Variants in CNTFR observed in about 807,000 individuals in gnomAD.
CNTFR encodes ciliary neurotrophic factor receptor subunit alpha.
Under a neutral mutation model 40.4 loss-of-function variants are expected in CNTFR, and 12 were observed. That is an observed-to-expected ratio of 0.30 (90% CI 0.19 to 0.48). The LOEUF (loss-of-function observed/expected upper bound fraction) is 0.48. CNTFR is among the 20% of genes least tolerant of loss of function. CNTFR has a pLI of 0.99. For synonymous variants in CNTFR, 202 were observed against 209.6 expected, an observed-to-expected ratio of 0.96 and a Z score of 0.31; for missense variants, 414 against 506.8, an observed-to-expected ratio of 0.82 and a Z score of 1.76.
chr9:34,579,554 G>A (rs955648093), intron 2 of CNTFR, among the ~76,000 whole-genome samples: 4 of 151,986 alleles, frequency 2.6e-5, no homozygotes, highest in Non-Finnish European at 5.9e-5. Context: ...CACTGAGGGC[G>A]AGGCTCCCAC....
chr9:34,561,095 C>T (rs914245801), intron 4 of CNTFR, among the ~76,000 whole-genome samples: 3 of 152,162 alleles, frequency 2.0e-5, no homozygotes, highest in Admixed American at 2.0e-4. Flanking sequence ...CGCCTCCTGC[C>T]TGGCACTCAA....
chr9:34,576,632 C>G (rs1438297277), intron 2 of CNTFR, among the ~76,000 whole-genome samples: 1 of 152,244 alleles, frequency 6.6e-6, no homozygotes, highest in Non-Finnish European at 1.5e-5. Flanking sequence ...TCCTTCTTCC[C>G]CAAACCCTGC....
intron 2 of CNTFR, among the ~76,000 whole-genome samples, chr9:34,570,677 G>A (rs917434819): frequency 7.2e-5 from 11 of 152,144 alleles, no homozygotes; most frequent in African/African-American, 1.4e-4. Flanking sequence ...CAGAGACACC[G>A]TTATAAAGAC....
chr9:34,572,273 A>G (rs1826699694), intron 2 of CNTFR, among the ~76,000 whole-genome samples: 2 of 152,088 alleles, frequency 1.3e-5, no homozygotes, highest in Admixed American at 1.3e-4. Flanking sequence ...GGGAGGCTGA[A>G]GCCAGAGGCA....
Position 34,557,434 on chromosome 9 carries a change from T to C in CNTFR, c.604+92A>G. ...GAGGCATGTACATGCCATGTATACATGTGCATGCATGTGGACATCCCCACC... is the reference window on the plus strand; with the variant it reads ...GAGGCATGTACATGCCATGTATACACGTGCATGCATGTGGACATCCCCACC... On this transcript the variant is annotated intron_variant, in intron 6 of 9. Transcript: ENST00000378980. The surrounding 1 kb of genome is among the most constrained non-coding windows in gnomAD (Gnocchi z 4.2). The C allele has an allele frequency of 2.9e-6, 4 of 1,396,874 alleles. No individual in the cohort carries two copies. Among genetic ancestry groups the C allele is most frequent in the African/African-American group, 1.4e-5 (1 of 70,796 alleles). 86.5% of individuals were successfully genotyped at this position (1,396,874 alleles called of 1,614,324 possible).
rs1262155933 is a variant in CNTFR at position 34,564,852 on chromosome 9, A to C, written c.86-20T>G. ...GTGCCTCTGTGGGGGGTGGGGGCACAGGGCAAAAGTCACAGGTCACAGCCC... is the reference window on the plus strand; with the variant it reads ...GTGCCTCTGTGGGGGGTGGGGGCACCGGGCAAAAGTCACAGGTCACAGCCC... On this transcript the variant is annotated intron_variant, in intron 3 of 9. Transcript: ENST00000378980. 1 of 1,607,294 alleles carries C rather than the reference A, an allele frequency of 6.2e-7. No individual in the cohort carries two copies. The highest frequency in any genetic ancestry group is 1.3e-5 in the African/African-American group (1 of 74,820).
At chr9:34,573,263 T>C (rs1005759148) in intron 2 of CNTFR, among the ~76,000 whole-genome samples, 3 of 152,282 alleles carry the variant, frequency 2.0e-5, no homozygotes, top group African/African-American at 4.8e-5. Flanking sequence ...GCAGTTTAGA[T>C]TGTAGAAGGC....
intron 2 of CNTFR, among the ~76,000 whole-genome samples, chr9:34,570,526 T>C (rs1042499675): frequency 1.3e-5 from 2 of 151,602 alleles, no homozygotes; most frequent in Non-Finnish European, 2.9e-5. Context: ...CCAGAGAAAC[T>C]GATAGACGCA....
chr9:34,586,512 G>T (rs566689080), intron 1 of CNTFR, among the ~76,000 whole-genome samples: 1 of 152,142 alleles, frequency 6.6e-6, no homozygotes, highest in Non-Finnish European at 1.5e-5. Context: ...CCCATCCTAA[G>T]AATGATTGAG....
chr9:34,578,034 C>T (rs1564073145), intron 2 of CNTFR, among the ~76,000 whole-genome samples: 1 of 151,746 alleles, frequency 6.6e-6, no homozygotes, highest in Non-Finnish European at 1.5e-5. Context: ...ACGCAGGCGC[C>T]CCGTCGGTGC....
At chr9:34,554,293 G>A (rs1300787966) in intron 7 of CNTFR, among the ~76,000 whole-genome samples, 1 of 151,914 alleles carries the variant, frequency 6.6e-6, no homozygotes, top group Non-Finnish European at 1.5e-5. Context: ...GGATTAGACC[G>A]CAGATCTCCA....
rs541467007 is a variant in CNTFR, at chr9:34,584,948, G to A, written c.-111-3743C>T. ...CAGTCTTCCTTTGAGCCAAACAGGG[G>A]TGTAGGACAGGGGATGCTGGGTCTC... On this transcript the variant is annotated intron_variant, in intron 1 of 9. Coordinates refer to ENST00000378980, the MANE Select transcript of CNTFR (RefSeq NM_147164.3). 7.2e-5 allele frequency among the ~76,000 whole-genome samples: 11 copies of A among 152,222 alleles called. No homozygotes were observed. The South Asian group carries it at 2.3e-3, about 32-fold the overall frequency.
chr9:34,560,829 G>A (rs1826040479), intron 4 of CNTFR, among the ~76,000 whole-genome samples: 1 of 152,238 alleles, frequency 6.6e-6, no homozygotes, highest in Non-Finnish European at 1.5e-5. Context: ...ATGTGTGCGT[G>A]TGCCCCCACT....
Position 34,557,672 on chromosome 9 carries a change from A to C in CNTFR, c.458T>G (p.Val153Gly). ...VTVLHGSKIM[V>G]CEKDPALKNR... The stretch of plus-strand genomic sequence containing the variant: ...CTTGAGGGCTGGGTCCTTCTCACAG[A>C]CCATAATTTTGGAGCCATGCCTGGG... The change falls in exon 6 of 10, where the codon GTC becomes GGC. Residue 153 changes from valine (V) to glycine (G), a missense_variant. This residue lies in a region of CNTFR where 250 missense variants were observed against 269.5 expected (regional missense o/e 0.93). Transcript: ENST00000378980. The surrounding 1 kb of genome is among the most constrained non-coding windows in gnomAD (Gnocchi z 4.2). The C allele has an allele frequency of 6.2e-7, 1 of 1,614,122 alleles. No homozygotes were observed. The highest frequency in any genetic ancestry group is 8.5e-7 in the Non-Finnish European group (1 of 1,180,012).
intron 4 of CNTFR, among the ~76,000 whole-genome samples, chr9:34,562,664 A>G (rs1023584579): frequency 6.6e-6 from 1 of 152,220 alleles, no homozygotes; most frequent in African/African-American, 2.4e-5. Context: ...ACTTTTGGGC[A>G]GTGGGGTGAA....
chr9:34,581,600 C>A (rs978452069), intron 1 of CNTFR, among the ~76,000 whole-genome samples: 3 of 152,266 alleles, frequency 2.0e-5, no homozygotes, highest in African/African-American at 7.2e-5. Context: ...CACCCCCTTC[C>A]TTATCACCAC....
At chr9:34,567,542 C>G (rs556569939) in intron 3 of CNTFR, among the ~76,000 whole-genome samples, 1 of 152,084 alleles carries the variant, frequency 6.6e-6, no homozygotes, top group Non-Finnish European at 1.5e-5. Context: ...ACACCTGATA[C>G]GAGATCACAT....
intron 2 of CNTFR, among the ~76,000 whole-genome samples, chr9:34,578,417 G>A (rs1827104535): frequency 6.6e-6 from 1 of 152,178 alleles, no homozygotes; most frequent in Non-Finnish European, 1.5e-5. Context: ...TCCCCGCTCC[G>A]GTCCCGGCCC....
chr9:34,553,020 A>G (rs537989864), intron 7 of CNTFR, among the ~76,000 whole-genome samples, 166 bp from the exon 8 acceptor site: 1 of 152,256 alleles, frequency 6.6e-6, no homozygotes, highest in African/African-American at 2.4e-5. Flanking sequence ...TTCTTGCCAG[A>G]GACTGGGGAC....
Sources: gnomAD v4.1 joint callset for allele counts (sites outside exome capture counted in the v4.1 genomes callset) on GRCh38, gnomAD v4.1.1 for gene constraint, gnomAD v4.1.1 regional missense constraint, Gnocchi (gnomAD v3.1) non-coding constraint, MANE v1.5 for transcripts, NCBI Gene and HGNC (gene_info 2026-07-23, HGNC 2026-07-21) for gene names.